Variants in TEX11 observed in about 807,000 individuals in gnomAD.
TEX11 encodes the protein testis expressed 11, also known as testis-expressed protein 11.
In TEX11, 7 loss-of-function variants were observed where a neutral mutation model predicts 84.4. That is an observed-to-expected ratio of 0.08 (90% CI 0.05 to 0.16). The LOEUF (loss-of-function observed/expected upper bound fraction) is 0.16. Ranked by LOEUF, TEX11 falls within the 10% of genes least tolerant of loss-of-function variation. TEX11 has a pLI of 1.00. For missense variants in TEX11, 551 were observed against 660.5 expected, an observed-to-expected ratio of 0.83 and a Z score of 1.82; for synonymous variants, 264 against 222.8, an observed-to-expected ratio of 1.18 and a Z score of -1.64.
chrX:70,775,757 G>A (rs896136789), intron 9 of TEX11, among the ~76,000 whole-genome samples: 13 of 88,200 alleles, frequency 1.5e-4, no homozygotes, highest in African/African-American at 5.2e-4. Context: ...CCGAGATCAC[G>A]CCACTGCACT....
intron 28 of TEX11, among the ~76,000 whole-genome samples, chrX:70,539,044 T>A (rs865956685): frequency 3.8e-5 from 1 of 26,589 alleles, no homozygotes; most frequent in Non-Finnish European, 1.3e-4. Flanking sequence ...ATATATTTTT[T>A]TTTTTTTTAA....
Position 70,629,537 on chromosome X carries a change from G to C in TEX11, c.1608+74C>G. On this transcript the variant is annotated intron_variant, in intron 18 of 29. Transcript: ENST00000374333. ...GTAAAGGTCTCTTCTGTGTCTAACT[G>C]ATAATGATTCTATTAATTGTCTTTC... 2.7e-6 allele frequency: 3 copies of C among 1,106,159 alleles called. No homozygotes were observed. In the East Asian group the frequency reaches 9.1e-5, roughly 34 times the overall value. 91.2% of individuals were successfully genotyped at this position (1,106,159 alleles called of 1,213,427 possible). A position where few individuals can be genotyped will look rare whatever the true frequency, so the allele number is the denominator to read the frequency against.
chrX:70,750,365 T>C (rs1397433027), intron 9 of TEX11, among the ~76,000 whole-genome samples: 7 of 111,579 alleles, frequency 6.3e-5, no homozygotes, highest in Admixed American at 9.5e-5. Context: ...GTCAGTGTGG[T>C]GATTCCTCAG....
intron 5 of TEX11, 48 bp downstream of exon 5, chrX:70,860,809 T>C (rs1224073825): frequency 1.1e-6 from 1 of 930,198 alleles, no homozygotes; most frequent in Non-Finnish European, 1.5e-6. Flanking sequence ...TTCATAGAAG[T>C]AACAACCATC....
chrX:70,659,067 T>G (rs971010600), intron 16 of TEX11, among the ~76,000 whole-genome samples: 1 of 111,912 alleles, frequency 8.9e-6, no homozygotes, highest in African/African-American at 3.2e-5. Flanking sequence ...TCAACATGGA[T>G]TAAAGGTGTA....
At chrX:70,905,184 G>A (rs1013187932) in intron 2 of TEX11, among the ~76,000 whole-genome samples, 3 of 111,777 alleles carry the variant, frequency 2.7e-5, no homozygotes, top group East Asian at 5.6e-4. Context: ...TTAGCCAGGC[G>A]TGGCGGCATG....
chrX:70,891,930 G>A (rs1015415553), intron 2 of TEX11, among the ~76,000 whole-genome samples: 4 of 111,081 alleles, frequency 3.6e-5, no homozygotes, highest in African/African-American at 9.8e-5. Context: ...ACACACAATC[G>A]TCAGATTCTC....
intron 4 of TEX11, among the ~76,000 whole-genome samples, chrX:70,864,741 C>CAAAAA (rs1158189701): frequency 3.1e-4 from 11 of 35,695 alleles, no homozygotes; most frequent in Non-Finnish European, 4.7e-4. Context: ...GATGCCATCT[C>CAAAAA]AAAAAAAAAA....
chrX:70,593,277 G>A (rs766259353), intron 24 of TEX11, among the ~76,000 whole-genome samples: 1 of 111,779 alleles, frequency 8.9e-6, no homozygotes, highest in African/African-American at 3.2e-5. Context: ...CTTTGCACAG[G>A]CAAAGACTGT....
chrX:70,620,742 G>A (rs558359169), intron 20 of TEX11, among the ~76,000 whole-genome samples: 63 of 112,274 alleles, frequency 5.6e-4, no homozygotes, highest in African/African-American at 2.0e-3. Flanking sequence ...AATGTGATAC[G>A]TTCATACAAT....
intron 9 of TEX11, among the ~76,000 whole-genome samples, chrX:70,750,272 A>C (rs1359021440): frequency 7.2e-5 from 8 of 111,301 alleles, no homozygotes; most frequent in Non-Finnish European, 1.5e-4. Flanking sequence ...GTCAGGAAAC[A>C]ACAGGTGCTG....
intron 8 of TEX11, among the ~76,000 whole-genome samples, chrX:70,824,138 G>T (rs1390593878): frequency 8.9e-6 from 1 of 112,078 alleles, no homozygotes; most frequent in Non-Finnish European, 1.9e-5. Context: ...AATGCACTTA[G>T]CTATTTGAGG....
intron 9 of TEX11, among the ~76,000 whole-genome samples, chrX:70,748,736 T>A (rs1259033993): frequency 1.0e-5 from 1 of 97,770 alleles, no homozygotes; most frequent in Non-Finnish European, 2.0e-5. Context: ...GTTGTAGATA[T>A]GCGGCGTTAT....
chrX:70,656,161 T>C (rs767351131), intron 16 of TEX11, among the ~76,000 whole-genome samples: 4 of 108,993 alleles, frequency 3.7e-5, no homozygotes, highest in Middle Eastern at 4.8e-3. Flanking sequence ...TGGCTGATCA[T>C]GCCTGTGATC....
intron 4 of TEX11, among the ~76,000 whole-genome samples, chrX:70,867,431 G>A (rs2091605138): frequency 8.9e-6 from 1 of 111,773 alleles, no homozygotes; most frequent in African/African-American, 3.3e-5. Context: ...TTAATATCAT[G>A]AAAATGGCCA....
chrX:70,557,764 G>C (rs780728487), intron 25 of TEX11, among the ~76,000 whole-genome samples: 1 of 111,469 alleles, frequency 9.0e-6, no homozygotes, highest in Non-Finnish European at 1.9e-5. Flanking sequence ...AAACTCGTAT[G>C]GAAATTCAAG....
In TEX11 at chrX:70,623,964, C is replaced by T. The variant is rs1169045883; in HGVS notation, c.1737G>A (p.Pro579=). The change falls in exon 20 of 30, where the codon CCG becomes CCA. Residue 579 remains proline, a synonymous_variant. Coordinates refer to ENST00000374333, the MANE Select transcript of TEX11 (RefSeq NM_031276.3). ...RFLLPKIAEM[P]ESEDKKKEMD... is the part of the protein sequence containing the mutation. Reference sequence around the variant, plus strand: ...AAATAACTCACTTATCTTCAGATTCCGGCATTTCAGCAATTTTTGGAAGAA... The same window carrying T: ...AAATAACTCACTTATCTTCAGATTCTGGCATTTCAGCAATTTTTGGAAGAA... 10 of 1,201,210 alleles carry T rather than the reference C, an allele frequency of 8.3e-6. No individual in the cohort carries two copies. Among genetic ancestry groups the T allele is most frequent in the East Asian group, 6.0e-5 (2 of 33,465 alleles).
intron 9 of TEX11, among the ~76,000 whole-genome samples, chrX:70,782,133 T>C (rs1383945903): frequency 8.9e-6 from 1 of 112,074 alleles, no homozygotes; most frequent in Non-Finnish European, 1.9e-5. Context: ...GCACAAACCC[T>C]ATAAGCCCGA....
At chrX:70,679,426 T>G (rs1283440765) in intron 14 of TEX11, among the ~76,000 whole-genome samples, 1 of 99,661 alleles carries the variant, frequency 1.0e-5, no homozygotes, top group Non-Finnish European at 2.0e-5. Context: ...GGAGCCCCTC[T>G]GCCTGGCTGC....
Sources: allele counts gnomAD v4.1 joint callset (sites outside exome capture counted in the v4.1 genomes callset), GRCh38; gene constraint gnomAD v4.1.1; transcripts MANE v1.5; gene names NCBI Gene and HGNC (gene_info 2026-07-23, HGNC 2026-07-21).